HDHD2: variants seen among roughly 807,000 people sequenced by gnomAD.
HDHD2 encodes the protein haloacid dehalogenase-like hydrolase domain-containing protein 2.
Under a neutral mutation model 24.8 loss-of-function variants are expected in HDHD2, and 26 were observed. That is an observed-to-expected ratio of 1.05 (90% CI 0.77 to 1.45). The LOEUF is 1.45. Ranked by LOEUF, HDHD2 falls within the 40% of genes most tolerant of loss-of-function variation. The pLI is 0.00. For missense variants in HDHD2, 299 were observed against 313.4 expected (o/e 0.95, Z 0.35); for synonymous variants, 128 against 114.9 (o/e 1.11, Z -0.73).
intron 5 of HDHD2, among the ~76,000 whole-genome samples, chr18:47,114,265 C>G (rs2063539168): frequency 6.6e-6 from 1 of 152,144 alleles, no homozygotes; most frequent in East Asian, 1.9e-4. Context: ...CACATTTCCA[C>G]CATCACAAGT....
At chr18:47,132,944 G>C (rs998325080) in intron 3 of HDHD2, among the ~76,000 whole-genome samples, 1 of 152,142 alleles carries the variant, frequency 6.6e-6, no homozygotes, top group East Asian at 1.9e-4. Context: ...AGTGGTGCCT[G>C]CATTGAGGAT....
intron 3 of HDHD2, among the ~76,000 whole-genome samples, chr18:47,132,180 C>T (rs2063719446): frequency 6.6e-6 from 1 of 152,070 alleles, no homozygotes; most frequent in Non-Finnish European, 1.5e-5. Context: ...TCTCATTTTC[C>T]TATACAGAAA....
chr18:47,132,320 TCA>T (rs1363648293), intron 3 of HDHD2, among the ~76,000 whole-genome samples: 9 of 152,216 alleles, frequency 5.9e-5, no homozygotes, highest in Non-Finnish European at 1.2e-4. Flanking sequence ...TGTGAATATA[TCA>T]CAGTTTATTC....
At chr18:47,145,567 C>T (rs1441556753) in intron 1 of HDHD2, among the ~76,000 whole-genome samples, 2 of 151,946 alleles carry the variant, frequency 1.3e-5, no homozygotes, top group African/African-American at 4.8e-5. Flanking sequence ...ATGGAATATC[C>T]ACATGAGAAA....
chr18:47,138,400 A>G (rs1335899998), intron 1 of HDHD2, among the ~76,000 whole-genome samples: 1 of 152,126 alleles, frequency 6.6e-6, no homozygotes, highest in African/African-American at 2.4e-5. Flanking sequence ...AAAATTGTAC[A>G]AAACAATTGG....
intron 6 of HDHD2, chr18:47,110,064 CT>C: frequency 1.2e-5 from 12 of 985,416 alleles, no homozygotes; most frequent in Non-Finnish European, 1.4e-5. Context: ...TCTCTCATCC[CT>C]TTGTGGTCTC....
At chr18:47,144,135 G>A (rs2063845025) in intron 1 of HDHD2, among the ~76,000 whole-genome samples, 1 of 152,076 alleles carries the variant, frequency 6.6e-6, no homozygotes, top group Non-Finnish European at 1.5e-5. Flanking sequence ...AAAAAGAATT[G>A]TTAGATCTGA....
Position 47,108,399 on chromosome 18 carries a change from C to A in HDHD2, c.*283G>T. On this transcript the variant is annotated 3_prime_UTR_variant, in exon 7 of 7. Coordinates refer to ENST00000300605, the MANE Select transcript of HDHD2 (RefSeq NM_032124.5). Reference sequence around the variant, plus strand: ...CTCTTCCCTGTAGTAGCTTTTCCCCCACAGCCCCACCTAACCTGATGAATA... The same window carrying A: ...CTCTTCCCTGTAGTAGCTTTTCCCCAACAGCCCCACCTAACCTGATGAATA... 3.5e-6 allele frequency: 1 copy of A among 283,072 alleles called. No homozygotes were observed. The highest frequency in any genetic ancestry group is 6.4e-5 in the East Asian group (1 of 15,512). The allele number at this position is 283,072 out of a possible 1,614,324, so 17.5% of individuals were successfully genotyped here. A position where few individuals can be genotyped will look rare whatever the true frequency, so the allele number is the denominator to read the frequency against.
Position 47,112,116 on chromosome 18 carries a change from T to C in HDHD2, c.676+861A>G, listed in dbSNP as rs1244622418. Reference sequence around the variant, plus strand: ...GCAGCATGCAGGGGAAGAAGGGCTTTTCATTTTAACGGTAACAGCTCATTA... The same window carrying C: ...GCAGCATGCAGGGGAAGAAGGGCTTCTCATTTTAACGGTAACAGCTCATTA... On this transcript the variant is annotated intron_variant, in intron 6 of 6. Transcript: ENST00000300605. Among the ~76,000 whole-genome samples, 9 of 152,332 alleles carry C rather than the reference T, an allele frequency of 5.9e-5. No individual in the cohort carries two copies. The East Asian group carries it at 1.7e-3, about 29-fold the overall frequency.
At position 47,150,476 on chromosome 18, in the gene HDHD2, T is replaced by G. The variant is rs1004941828; in HGVS notation, c.-109A>C. The stretch of plus-strand genomic sequence containing the variant: ...CCTCAGCCGGGATAGACAGCCCCGC[T>G]GCTGCCCGACGGACGCCGGAAGTTG... On this transcript the variant is annotated 5_prime_UTR_variant, in exon 1 of 7. Coordinates refer to ENST00000300605, the MANE Select transcript of HDHD2 (RefSeq NM_032124.5). 4 of 152,266 alleles carry G rather than the reference T, an allele frequency of 2.6e-5. No homozygotes were observed. Among genetic ancestry groups the G allele is most frequent in the Non-Finnish European group, 5.9e-5 (4 of 68,068 alleles). 9.4% of individuals were successfully genotyped at this position (152,266 alleles called of 1,614,324 possible). A position where few individuals can be genotyped will look rare whatever the true frequency, so the allele number is the denominator to read the frequency against.
At position 47,134,638 on chromosome 18, in the gene HDHD2, C is replaced by T. The variant is rs781444705; in HGVS notation, c.168G>A (p.Leu56=). 1.2e-6 allele frequency: 2 copies of T among 1,614,128 alleles called. No individual in the cohort carries two copies. The highest frequency in any genetic ancestry group is 1.7e-5 in the Admixed American group (1 of 60,020). The change falls in exon 3 of 7, where the codon CTG becomes CTA. Residue 56 remains leucine, a synonymous_variant. Coordinates refer to ENST00000300605, the MANE Select transcript of HDHD2 (RefSeq NM_032124.5). The part of the protein sequence containing the change: ...TNTTKESKQD[L]LERLRKLEFD... Reference sequence around the variant, plus strand: ...ATTCCAATTTTCTCAACCTTTCTAACAGGTCTTGCTTGCTCTCTTTGGTTG... The same window carrying T: ...ATTCCAATTTTCTCAACCTTTCTAATAGGTCTTGCTTGCTCTCTTTGGTTG...
intron 5 of HDHD2, among the ~76,000 whole-genome samples, chr18:47,113,486 T>C (rs2144281613): frequency 6.6e-6 from 1 of 152,336 alleles, no homozygotes; most frequent in East Asian, 1.9e-4. Flanking sequence ...TATCCCATTG[T>C]CCTAACAGGT....
At chr18:47,133,454 A>G (rs1045732311) in intron 3 of HDHD2, among the ~76,000 whole-genome samples, 1 of 146,290 alleles carries the variant, frequency 6.8e-6, no homozygotes, top group East Asian at 2.0e-4. Context: ...CACAGTAAAC[A>G]TATGTGTGCA....
At chr18:47,110,525 T>A (rs916973418) in intron 6 of HDHD2, 1 of 985,202 alleles carries the variant, frequency 1.0e-6, no homozygotes, top group African/African-American at 1.7e-5. Context: ...ATAAATAAGC[T>A]TCCTAGCCAT....
intron 6 of HDHD2, chr18:47,111,184 T>G (rs1417808703): frequency 1.0e-6 from 1 of 985,134 alleles, no homozygotes; most frequent in African/African-American, 1.7e-5. Flanking sequence ...ATTTTGGACT[T>G]GATTGTGTTA....
chr18:47,110,241 C>T (rs1284900961), intron 6 of HDHD2: 1 of 985,302 alleles, frequency 1.0e-6, no homozygotes, highest in African/African-American at 1.7e-5. Flanking sequence ...GAAGACGCTT[C>T]CTGTCTTATC....
chr18:47,115,051 C>T, intron 5 of HDHD2, 81 bp downstream of exon 5: 5 of 952,770 alleles, frequency 5.2e-6, no homozygotes, highest in Non-Finnish European at 8.3e-6. Flanking sequence ...AGAATGTCCC[C>T]TTTCCTAAAG....
rs61730421 is a variant in HDHD2, at chr18:47,134,539, T to C, written c.267A>G (p.Arg89=). The change falls in exon 3 of 7, where the codon AGA becomes AGG. Residue 89 remains arginine, a synonymous_variant. Transcript: ENST00000300605. ...ARSLLERKQV[R]PMLLVDDRAL... ...CCCGATCATCAACTAGCAGCATGGG[T>C]CTGACTTGTTTCCGCTCTAGTAAAC... 418 of 1,614,178 alleles carry C rather than the reference T, an allele frequency of 2.6e-4. 2 individuals carry two copies. The African/African-American group carries it at 5.1e-3, about 20-fold the overall frequency.
Position 47,134,817 on chromosome 18 carries a change from T to C in HDHD2, c.102-113A>G, listed in dbSNP as rs944068891. On this transcript the variant is annotated intron_variant, in intron 2 of 6. Coordinates refer to ENST00000300605, the MANE Select transcript of HDHD2 (RefSeq NM_032124.5). ...GTTTTTATGGCCAGCAACATGACAA[T>C]GTGTAGCCTCTTGCCCCTCCAGAAT... is the stretch of plus-strand genomic sequence containing the variant. The C allele has an allele frequency of 4.1e-5, 32 of 781,280 alleles. No homozygotes were observed. In the African/African-American group the frequency reaches 4.2e-4, roughly 10 times the overall value. 48.4% of individuals were successfully genotyped at this position (781,280 alleles called of 1,614,324 possible).
Sources: allele counts gnomAD v4.1 joint callset (sites outside exome capture counted in the v4.1 genomes callset), GRCh38; gene constraint gnomAD v4.1.1; transcripts MANE v1.5; gene names NCBI Gene and HGNC (gene_info 2026-07-23, HGNC 2026-07-21).